MYOF: variants seen among roughly 807,000 people sequenced by gnomAD.
MYOF encodes myoferlin, also known as fer-1-like 3, myoferlin.
MYOF carries 244 observed loss-of-function variants against 284.2 expected under a neutral mutation model. The ratio of observed to expected loss-of-function variants is 0.86; its 90% CI spans 0.77 to 0.95. The LOEUF (loss-of-function observed/expected upper bound fraction) is 0.95, where lower values mean the gene tolerates loss of function less well. Ranked by LOEUF, MYOF falls within the 40% of genes least tolerant of loss-of-function variation. The pLI is 0.00. For missense variants in MYOF, 2,496 were observed against 2,560.6 expected (o/e 0.97, Z 0.54); for synonymous variants, 904 against 919.7 (o/e 0.98, Z 0.31).
At chr10:93,325,769 AC>A in intron 46 of MYOF, 56 bp downstream of exon 46, 1 of 1,543,690 alleles carries the variant, frequency 6.5e-7, no homozygotes, top group Non-Finnish European at 8.7e-7. Flanking sequence ...AATGTCAACT[AC>A]TGCCATTGCA....
chr10:93,338,306 T>C (rs1453281328), intron 39 of MYOF: 1 of 458,892 alleles, frequency 2.2e-6, no homozygotes, highest in Non-Finnish European at 4.4e-6. Context: ...TCTTAGCCCT[T>C]TTAGCCAGTA....
intron 44 of MYOF, 112 bp from the exon 45 acceptor site, chr10:93,329,023 A>T: frequency 9.7e-7 from 1 of 1,032,872 alleles, no homozygotes; most frequent in Non-Finnish European, 1.4e-6. Flanking sequence ...GGGTGCAGAA[A>T]ATCTGCGCTA....
chr10:93,349,758 A>C, intron 36 of MYOF, 50 bp downstream of exon 36: 2 of 1,572,310 alleles, frequency 1.3e-6, no homozygotes, highest in Non-Finnish European at 8.7e-7. Context: ...TGAGGCACAT[A>C]CTTTCATATT....
intron 3 of MYOF, among the ~76,000 whole-genome samples, chr10:93,435,659 A>G (rs1849086018): frequency 6.6e-6 from 1 of 152,148 alleles, no homozygotes; most frequent in African/African-American, 2.4e-5. Context: ...AAACTATCTA[A>G]TGTTAAATAT....
At chr10:93,416,510 G>A (rs988336253) in intron 5 of MYOF, among the ~76,000 whole-genome samples, 3 of 151,612 alleles carry the variant, frequency 2.0e-5, no homozygotes, top group South Asian at 2.1e-4. Flanking sequence ...GCAACAGAGC[G>A]AGACTCCATC....
chr10:93,460,955 C>T (rs1396863118), intron 1 of MYOF, among the ~76,000 whole-genome samples: 1 of 151,688 alleles, frequency 6.6e-6, no homozygotes, highest in Non-Finnish European at 1.5e-5. Flanking sequence ...TTTAGCCATG[C>T]ATGGTGGTGG....
intron 45 of MYOF, among the ~76,000 whole-genome samples, chr10:93,328,145 T>A (rs973497070): frequency 1.3e-5 from 2 of 152,178 alleles, no homozygotes; most frequent in Non-Finnish European, 2.9e-5. Flanking sequence ...GCACGTTTGT[T>A]CAGCTCCCCC....
chr10:93,377,114 A>T (rs1050386512), intron 22 of MYOF, among the ~76,000 whole-genome samples: 3 of 152,154 alleles, frequency 2.0e-5, no homozygotes, highest in African/African-American at 7.2e-5. Context: ...TCCCTAGGCT[A>T]CTTGAGAACT....
At chr10:93,308,205 T>C (rs1842213273) in intron 53 of MYOF, among the ~76,000 whole-genome samples, 1 of 150,722 alleles carries the variant, frequency 6.6e-6, no homozygotes, top group African/African-American at 2.4e-5. Flanking sequence ...ATTGCGCCAC[T>C]GTACTCCAGC....
At chr10:93,345,503 T>C (rs1844147667) in intron 37 of MYOF, among the ~76,000 whole-genome samples, 1 of 152,058 alleles carries the variant, frequency 6.6e-6, no homozygotes, top group Non-Finnish European at 1.5e-5. Context: ...TCAGTTACTG[T>C]GTGAGGTAGT....
intron 53 of MYOF, 134 bp from the exon 54 acceptor site, chr10:93,307,135 T>C (rs1842136302): frequency 2.6e-6 from 2 of 760,800 alleles, no homozygotes; most frequent in African/African-American, 3.6e-5. Context: ...GTCCTGTGCA[T>C]TGTAGGATGT....
At chr10:93,342,301 T>C (rs917545119) in intron 38 of MYOF, among the ~76,000 whole-genome samples, 1 of 151,990 alleles carries the variant, frequency 6.6e-6, no homozygotes, top group Admixed American at 6.6e-5. Context: ...ATACAGGACA[T>C]CAGCAAGCTT....
chr10:93,340,000 A>AC (rs1250727617), intron 39 of MYOF, among the ~76,000 whole-genome samples, 153 bp downstream of exon 39: 1 of 151,904 alleles, frequency 6.6e-6, no homozygotes, highest in Non-Finnish European at 1.5e-5. Flanking sequence ...AATGGCGTGA[A>AC]CCCCGGGGGG....
chr10:93,406,751 G>A (rs890476654), intron 7 of MYOF, among the ~76,000 whole-genome samples: 3 of 151,968 alleles, frequency 2.0e-5, no homozygotes, highest in African/African-American at 7.3e-5. Flanking sequence ...GAAGAAAATA[G>A]GACCTTCTGC....
At chr10:93,362,061 G>C (rs998379617) in intron 27 of MYOF, among the ~76,000 whole-genome samples, 13 of 151,514 alleles carry the variant, frequency 8.6e-5, no homozygotes, top group Admixed American at 2.0e-4. Flanking sequence ...CAATTCTCCT[G>C]CCTTAACCTC....
intron 1 of MYOF, among the ~76,000 whole-genome samples, chr10:93,461,032 T>C (rs1483280310): frequency 6.6e-6 from 1 of 152,058 alleles, no homozygotes; most frequent in Non-Finnish European, 1.5e-5. Context: ...GAGGCGGAAG[T>C]TGCAGTGAGC....
chr10:93,430,602 A>AT (rs1419477045), intron 4 of MYOF, among the ~76,000 whole-genome samples: 1 of 148,624 alleles, frequency 6.7e-6, no homozygotes, highest in African/African-American at 2.5e-5. Context: ...AAAAAAAAAG[A>AT]TTATGATATT....
chr10:93,388,107 A>G (rs1169824887), intron 18 of MYOF, among the ~76,000 whole-genome samples, 194 bp from the exon 19 acceptor site: 1 of 152,146 alleles, frequency 6.6e-6, no homozygotes, highest in Non-Finnish European at 1.5e-5. Flanking sequence ...GCTTTAGGAC[A>G]GATCTCAAAG....
Position 93,444,250 on chromosome 10 carries a change from C to T in MYOF, c.236+7800G>A, listed in dbSNP as rs538832269. 2.0e-5 allele frequency among the ~76,000 whole-genome samples: 3 copies of T among 152,314 alleles called. No individual in the cohort carries two copies. The South Asian group carries it at 6.2e-4, about 32-fold the overall frequency. ...AGCATCATAAACTCACTTGTTCACT[C>T]ATTCATCCAACAAACGTTTATTTAG... is the stretch of plus-strand genomic sequence containing the variant. On this transcript the variant is annotated intron_variant, in intron 3 of 53. Coordinates refer to ENST00000359263, the MANE Select transcript of MYOF (RefSeq NM_013451.4).
Sources: allele counts gnomAD v4.1 joint callset (sites outside exome capture counted in the v4.1 genomes callset), GRCh38; gene constraint gnomAD v4.1.1; transcripts MANE v1.5; gene names NCBI Gene and HGNC (gene_info 2026-07-23, HGNC 2026-07-21).